The following FAT1 variants were observed in gnomAD, a reference collection of about 807,000 sequenced individuals.
FAT1 encodes FAT atypical cadherin 1, also known as protocadherin Fat 1.
FAT1 carries 171 observed loss-of-function variants against 329.8 expected under a neutral mutation model. The observed-to-expected ratio is 0.52, with a 90% CI of 0.46 to 0.59. The LOEUF (loss-of-function observed/expected upper bound fraction) is 0.59, where lower values mean the gene tolerates loss of function less well. Ranked by LOEUF, FAT1 falls within the 20% of genes least tolerant of loss-of-function variation. The pLI, the probability that FAT1 is intolerant of heterozygous loss-of-function variation, is 0.00. For missense variants in FAT1, 5,672 were observed against 5,774.4 expected, an observed-to-expected ratio of 0.98 and a Z score of 0.57; for synonymous variants, 2,233 against 2,228.6, an observed-to-expected ratio of 1.00 and a Z score of -0.06.
intron 1 of FAT1, among the ~76,000 whole-genome samples, chr4:186,711,647 G>C (rs1744958630): frequency 6.6e-6 from 1 of 152,130 alleles, no homozygotes; most frequent in Non-Finnish European, 1.5e-5. Context: ...GCTGGTCACG[G>C]TGGCTCACAC....
At chr4:186,666,044 G>C (rs1421819038) in intron 2 of FAT1, among the ~76,000 whole-genome samples, 1 of 119,748 alleles carries the variant, frequency 8.4e-6, no homozygotes, top group Non-Finnish European at 1.7e-5. Flanking sequence ...CGTGGGGTGG[G>C]GGGAGGGGGG....
In FAT1 at chr4:186,598,034, G is replaced by A; in HGVS notation, c.12195C>T (p.Gly4065=). The A allele has an allele frequency of 2.5e-6, 4 of 1,613,864 alleles. No individual in the cohort carries two copies. The highest frequency in any genetic ancestry group is 3.4e-6 in the Non-Finnish European group (4 of 1,179,834). ...PCSSKPCLYG[G]TCVVDNGGFV... The stretch of plus-strand genomic sequence containing the variant: ...AGCCTCCGTTGTCGACAACACACGT[G>A]CCCCCATAGAGGCATGGCTTGGAGG... The change falls in exon 23 of 27, where the codon GGC becomes GGT. Residue 4065 remains glycine, a synonymous_variant. Transcript: ENST00000441802.
At chr4:186,721,197 A>G (rs764637993) in intron 1 of FAT1, among the ~76,000 whole-genome samples, 11 of 152,254 alleles carry the variant, frequency 7.2e-5, no homozygotes, top group Non-Finnish European at 1.5e-5. Flanking sequence ...AACCCTTGGA[A>G]TTAAGCAAGA....
chr4:186,633,851 A>T, intron 6 of FAT1, 28 bp from the exon 7 acceptor site: 1 of 1,613,608 alleles, frequency 6.2e-7, no homozygotes, highest in Non-Finnish European at 8.5e-7. Flanking sequence ...AAGTAAAAAC[A>T]GGTCACAGGA....
intron 2 of FAT1, among the ~76,000 whole-genome samples, chr4:186,705,711 C>T (rs1434356174): frequency 2.6e-5 from 4 of 152,194 alleles, no homozygotes; most frequent in East Asian, 1.9e-4. Flanking sequence ...ACAATATCTG[C>T]GCAGCAAGAC....
At chr4:186,612,213 A>AAACTTTTTTGATTTTTGATT (rs149831179) in intron 13 of FAT1, among the ~76,000 whole-genome samples, 70,447 of 151,212 alleles carry the variant, frequency 0.47, 16,595 homozygotes, top group African/African-American at 0.53. Flanking sequence ...TTTAAAAGGT[A>AAACTTTTTTGATTTTTGATT]AACAACTTAC....
At chr4:186,640,002 C>T (rs953083152) in intron 3 of FAT1, among the ~76,000 whole-genome samples, 1 of 151,980 alleles carries the variant, frequency 6.6e-6, no homozygotes, top group African/African-American at 2.4e-5. Flanking sequence ...GGCATGGTGG[C>T]GCGTGACTGT....
intron 3 of FAT1, among the ~76,000 whole-genome samples, 184 bp downstream of exon 3, chr4:186,663,115 C>T (rs546379671): frequency 7.2e-5 from 11 of 152,286 alleles, no homozygotes; most frequent in African/African-American, 2.2e-4. Context: ...GGATTACAGG[C>T]GTGAGCCACT....
At chr4:186,679,716 T>A (rs1016785769) in intron 2 of FAT1, among the ~76,000 whole-genome samples, 2 of 152,172 alleles carry the variant, frequency 1.3e-5, no homozygotes, top group African/African-American at 4.8e-5. Context: ...AAGCATGTTA[T>A]CAAGTCTACA....
chr4:186,638,900 A>G (rs888993287), intron 4 of FAT1, among the ~76,000 whole-genome samples: 14 of 151,902 alleles, frequency 9.2e-5, no homozygotes, highest in Non-Finnish European at 1.9e-4. Context: ...CGGGACAGAG[A>G]GATGTCTCTA....
intron 16 of FAT1, among the ~76,000 whole-genome samples, chr4:186,607,873 C>T (rs569278925): frequency 2.4e-4 from 37 of 152,256 alleles, no homozygotes; most frequent in Non-Finnish European, 5.0e-4. Flanking sequence ...CTCAATCCCT[C>T]ATGTCACTTC....
chr4:186,606,336 C>T, intron 16 of FAT1, 123 bp from the exon 17 acceptor site: 1 of 1,006,742 alleles, frequency 9.9e-7, no homozygotes, highest in Non-Finnish European at 1.5e-6. Context: ...CTGTTGCATC[C>T]TGCCTGTGAG....
chr4:186,697,010 C>T (rs1203148669), intron 2 of FAT1, among the ~76,000 whole-genome samples: 4 of 152,092 alleles, frequency 2.6e-5, no homozygotes, highest in East Asian at 1.9e-4. Context: ...GCCTTGGCAA[C>T]AAAGCAAGAC....
intron 14 of FAT1, 123 bp downstream of exon 14, chr4:186,611,263 G>T: frequency 1.2e-6 from 1 of 813,194 alleles, no homozygotes; most frequent in Non-Finnish European, 1.8e-6. Flanking sequence ...AAGAAAACTT[G>T]ATTTGCCTTT....
chr4:186,617,390 A>G (rs1739763932), intron 10 of FAT1, among the ~76,000 whole-genome samples, 189 bp from the exon 11 acceptor site: 1 of 152,248 alleles, frequency 6.6e-6, no homozygotes. Flanking sequence ...ATGCATAAAC[A>G]TAGCATTAAG....
At chr4:186,606,240 G>C (rs377058608) in intron 16 of FAT1, 27 bp from the exon 17 acceptor site, 1 of 1,611,552 alleles carries the variant, frequency 6.2e-7, no homozygotes, top group East Asian at 2.2e-5. Flanking sequence ...CAGAATGCAC[G>C]TTCATTTTCA....
intron 16 of FAT1, 143 bp from the exon 17 acceptor site, chr4:186,606,356 A>T: frequency 2.7e-6 from 2 of 754,096 alleles, no homozygotes; most frequent in East Asian, 5.4e-5. Context: ...GCGATGCCCT[A>T]ATCTCCTACA....
chr4:186,664,827 A>G (rs1247920839), intron 2 of FAT1, among the ~76,000 whole-genome samples: 1 of 152,146 alleles, frequency 6.6e-6, no homozygotes, highest in Admixed American at 6.5e-5. Context: ...GAAATGCTGA[A>G]GCTCTAGAAT....
intron 24 of FAT1, 95 bp downstream of exon 24, chr4:186,597,587 T>C (rs1280566121): frequency 2.2e-5 from 18 of 802,490 alleles, no homozygotes. Context: ...AAATCTGACA[T>C]AATGTAGTTC....
Sources: allele counts gnomAD v4.1 joint callset (sites outside exome capture counted in the v4.1 genomes callset), GRCh38; gene constraint gnomAD v4.1.1; transcripts MANE v1.5; gene names NCBI Gene and HGNC (gene_info 2026-07-23, HGNC 2026-07-21).